Variants in NAALADL2 observed in about 807,000 individuals in gnomAD.
NAALADL2 encodes inactive N-acetylated-alpha-linked acidic dipeptidase-like protein 2.
Under a neutral mutation model 87.2 loss-of-function variants are expected in NAALADL2, and 76 were observed. The observed-to-expected ratio is 0.87, with a 90% CI of 0.72 to 1.05. The LOEUF is 1.05. NAALADL2 is among the 50% of genes least tolerant of loss of function. The pLI is 0.00. For synonymous variants in NAALADL2, 354 were observed against 331.0 expected (o/e 1.07, Z -0.75); for missense variants, 1,089 against 945.8 (o/e 1.15, Z -1.99).
In NAALADL2 at chr3:174,822,276, C is replaced by T. The variant is rs184471893; in HGVS notation, c.-9+84530C>T. ...ATAAGAAGGAAGGTGATAAACCCGA[C>T]GGCCCCTGCTTATTGCACAGGAGCT... On this transcript the variant is annotated intron_variant, in intron 3 of 3. Transcript: ENST00000434257. Among the ~76,000 whole-genome samples, 8 of 152,212 alleles carry T rather than the reference C, an allele frequency of 5.3e-5. No individual in the cohort carries two copies. The East Asian group carries it at 7.7e-4, about 15-fold the overall frequency.
intron 1 of NAALADL2, among the ~76,000 whole-genome samples, chr3:174,549,776 C>A (rs966700847): frequency 3.3e-5 from 5 of 152,144 alleles, no homozygotes; most frequent in Non-Finnish European, 7.4e-5. Flanking sequence ...CTGGAGGAAT[C>A]CCCTCCCCAT....
At chr3:174,622,822 C>T (rs1165202676) in intron 2 of NAALADL2, among the ~76,000 whole-genome samples, 2 of 152,198 alleles carry the variant, frequency 1.3e-5, no homozygotes, top group Admixed American at 6.5e-5. Context: ...GGGCGAATCA[C>T]GAGGTCGGGA....
intron 1 of NAALADL2, among the ~76,000 whole-genome samples, chr3:175,000,787 T>C (rs1191016760): frequency 6.6e-6 from 1 of 152,212 alleles, no homozygotes; most frequent in Non-Finnish European, 1.5e-5. Flanking sequence ...ATGCAGAGCA[T>C]GCTCAAGTAT....
intron 1 of NAALADL2, among the ~76,000 whole-genome samples, chr3:174,521,075 G>A (rs1720248238): frequency 1.3e-5 from 2 of 152,180 alleles, no homozygotes. Flanking sequence ...ATGTAAATTA[G>A]TACAACCTCT....
chr3:175,706,433 T>TAAAG (rs373491225), intron 11 of NAALADL2, among the ~76,000 whole-genome samples: 161 of 152,218 alleles, frequency 1.1e-3, no homozygotes, highest in African/African-American at 3.7e-3. Context: ...CTAACAATAA[T>TAAAG]AAAGTAATAA....
At chr3:175,542,622 A>G (rs1712565455) in intron 9 of NAALADL2, among the ~76,000 whole-genome samples, 1 of 152,152 alleles carries the variant, frequency 6.6e-6, no homozygotes, top group Admixed American at 6.5e-5. Context: ...GGCCTCCCAA[A>G]GTGCTGGGAT....
At chr3:175,107,482 C>G (rs944210519) in intron 2 of NAALADL2, among the ~76,000 whole-genome samples, 1 of 150,872 alleles carries the variant, frequency 6.6e-6, no homozygotes, top group Non-Finnish European at 1.5e-5. Context: ...CAATCTAGCT[C>G]TTTTCATACA....
intron 2 of NAALADL2, among the ~76,000 whole-genome samples, chr3:174,698,793 G>A (rs1253078385): frequency 8.8e-6 from 1 of 113,242 alleles, no homozygotes; most frequent in Non-Finnish European, 1.6e-5. Context: ...GAACCCGGGA[G>A]GCGGAGCTTG....
intron 1 of NAALADL2, among the ~76,000 whole-genome samples, chr3:174,511,632 G>C (rs1719604878): frequency 6.6e-6 from 1 of 150,728 alleles, no homozygotes; most frequent in South Asian, 2.1e-4. Flanking sequence ...AGAGTATTTA[G>C]ACCATTTAAT....
chr3:175,508,929 A>C, intron 9 of NAALADL2, among the ~76,000 whole-genome samples: 1 of 152,184 alleles, frequency 6.6e-6, no homozygotes, highest in East Asian at 1.9e-4. Flanking sequence ...GAGCCTGGTC[A>C]ACATGGTGAA....
intron 3 of NAALADL2, among the ~76,000 whole-genome samples, chr3:174,806,304 C>A (rs774138754): frequency 3.9e-5 from 6 of 152,208 alleles, no homozygotes; most frequent in Non-Finnish European, 8.8e-5. Context: ...GCCAACACCA[C>A]AGGGACATCT....
chr3:175,609,708 A>C (rs1316392995), intron 10 of NAALADL2: 1 of 152,182 alleles, frequency 6.6e-6, no homozygotes. Flanking sequence ...GCAATGGACA[A>C]AACTCTAGAT....
At chr3:174,714,270 A>C (rs1191106013) in intron 2 of NAALADL2, among the ~76,000 whole-genome samples, 1 of 152,090 alleles carries the variant, frequency 6.6e-6, no homozygotes, top group Non-Finnish European at 1.5e-5. Flanking sequence ...CTTAGGATTG[A>C]CTTGGCAATG....
At position 175,605,644 on chromosome 3, in the gene NAALADL2, T is replaced by TTTTTTTTTG. The variant is rs1553931388; in HGVS notation, c.1801-21639_1801-21638insGTTTTTTTT. ...ACACCTAGATGTATATTGCTTGTTT[T>TTTTTTTTTG]TTTTTTTTTTTTAACTGTATTTAGA... On this transcript the variant is annotated intron_variant, in intron 10 of 13. Transcript: ENST00000454872. Among the ~76,000 whole-genome samples, 82 of 133,010 alleles carry TTTTTTTTTG rather than the reference T, an allele frequency of 6.2e-4. 2 individuals carry two copies. The highest frequency in any genetic ancestry group is 5.3e-3 in the East Asian group (23 of 4,342). The allele number at this position is 133,010 out of a possible 152,430, so 87.3% of individuals were successfully genotyped here.
At chr3:175,190,792 C>T (rs961776898) in intron 2 of NAALADL2, among the ~76,000 whole-genome samples, 12 of 151,712 alleles carry the variant, frequency 7.9e-5, no homozygotes, top group South Asian at 2.1e-4. Flanking sequence ...CTGGCTAACA[C>T]GGTGAAACCC....
chr3:175,725,801 T>C lies in NAALADL2; in HGVS notation c.1897-11505T>C, dbSNP rs143451596. 4.5e-3 allele frequency among the ~76,000 whole-genome samples: 683 copies of C among 152,262 alleles called. 7 individuals are homozygous for C. Among genetic ancestry groups the C allele is most frequent in the African/African-American group, 0.016 (652 of 41,552 alleles). ...TCTCATGCAAAATAGAATAAGGCTA[T>C]TGTAAGGATTCAATGAATTAATTTA... On this transcript the variant is annotated intron_variant, in intron 11 of 13. Transcript: ENST00000454872.
intron 1 of NAALADL2, among the ~76,000 whole-genome samples, chr3:174,938,668 C>A (rs1180557684): frequency 6.6e-6 from 1 of 152,014 alleles, no homozygotes; most frequent in Non-Finnish European, 1.5e-5. Flanking sequence ...CTCTTTTCTC[C>A]AAAAACTTGC....
At chr3:174,905,183 T>A (rs192716642) in intron 1 of NAALADL2, among the ~76,000 whole-genome samples, 2 of 152,010 alleles carry the variant, frequency 1.3e-5, no homozygotes, top group Admixed American at 6.6e-5. Flanking sequence ...TTTTTCACAT[T>A]CTAATGATTT....
intron 5 of NAALADL2, among the ~76,000 whole-genome samples, chr3:175,407,851 G>A (rs776695513): frequency 2.6e-5 from 4 of 152,138 alleles, no homozygotes; most frequent in Non-Finnish European, 4.4e-5. Context: ...TTACAGCTTA[G>A]TAACAGGTTG....
Sources: allele counts gnomAD v4.1 joint callset (sites outside exome capture counted in the v4.1 genomes callset), GRCh38; gene constraint gnomAD v4.1.1; transcripts MANE v1.5; gene names NCBI Gene and HGNC (gene_info 2026-07-23, HGNC 2026-07-21).